Variants in LDLRAD3 observed in about 807,000 individuals in gnomAD.
LDLRAD3 encodes the protein low-density lipoprotein receptor class A domain-containing protein 3.
A neutral mutation model predicts 29.4 loss-of-function variants in LDLRAD3; 20 were observed. That is an observed-to-expected ratio of 0.68 (90% CI 0.48 to 0.99). The LOEUF (loss-of-function observed/expected upper bound fraction) is 0.99. Ranked by LOEUF, LDLRAD3 falls within the 50% of genes least tolerant of loss-of-function variation. The pLI is 0.00. For missense variants in LDLRAD3, 420 were observed against 454.3 expected, an observed-to-expected ratio of 0.92 and a Z score of 0.69; for synonymous variants, 157 against 192.7, an observed-to-expected ratio of 0.81 and a Z score of 1.53.
chr11:36,009,292 A>G (rs955734836), intron 1 of LDLRAD3, among the ~76,000 whole-genome samples: 1 of 152,180 alleles, frequency 6.6e-6, no homozygotes, highest in Non-Finnish European at 1.5e-5. Flanking sequence ...TTTTAATAGT[A>G]TTAAATCAAA....
At chr11:35,973,035 A>T (rs1851433629) in intron 1 of LDLRAD3, among the ~76,000 whole-genome samples, 1 of 146,114 alleles carries the variant, frequency 6.8e-6, no homozygotes, top group African/African-American at 2.6e-5. Flanking sequence ...CCTGGGCAAC[A>T]GAGCGAGACT....
At chr11:35,951,492 G>A (rs1431249629) in intron 1 of LDLRAD3, among the ~76,000 whole-genome samples, 1 of 152,100 alleles carries the variant, frequency 6.6e-6, no homozygotes, top group East Asian at 1.9e-4. Flanking sequence ...TGCTTTGCTC[G>A]GCTCTTGAAC....
At chr11:36,222,057 A>G (rs894372166) in intron 4 of LDLRAD3, among the ~76,000 whole-genome samples, 10 of 152,240 alleles carry the variant, frequency 6.6e-5, no homozygotes, top group African/African-American at 2.4e-4. Flanking sequence ...CCATGCTTTC[A>G]TGAATGCTCA....
intron 2 of LDLRAD3, among the ~76,000 whole-genome samples, chr11:36,071,567 T>C (rs756461502): frequency 6.6e-6 from 1 of 152,236 alleles, no homozygotes; most frequent in Middle Eastern, 3.2e-3. Context: ...CCAGTAGTTA[T>C]TGACAAGAAA....
At position 36,062,680 on chromosome 11, in the gene LDLRAD3, C is replaced by T. The variant is rs929192997; in HGVS notation, c.194-18973C>T. On this transcript the variant is annotated intron_variant, in intron 2 of 5. Transcript: ENST00000315571. ...GTTCTCATGACAGTGAGTGAGTTCT[C>T]ATGAAATCTGATGGTTTTATAAGGG... is the stretch of plus-strand genomic sequence containing the variant. 3.9e-5 allele frequency among the ~76,000 whole-genome samples: 6 copies of T among 152,140 alleles called. 1 individual carries two copies. In the East Asian group the frequency reaches 1.2e-3, roughly 29 times the overall value.
intron 4 of LDLRAD3, among the ~76,000 whole-genome samples, chr11:36,188,402 GTGGAAGC>G (rs1854889295): frequency 8.0e-6 from 1 of 124,632 alleles, no homozygotes; most frequent in Non-Finnish European, 1.7e-5. Context: ...AAAAAAAATT[GTGGAAGC>G]TGGAGAACAA....
At chr11:36,080,123 A>G (rs983035899) in intron 2 of LDLRAD3, among the ~76,000 whole-genome samples, 6 of 152,176 alleles carry the variant, frequency 3.9e-5, no homozygotes, top group African/African-American at 1.4e-4. Context: ...GAGGTAATTT[A>G]TTGCCTGTTT....
intron 4 of LDLRAD3, among the ~76,000 whole-genome samples, chr11:36,121,337 G>T (rs1853753760): frequency 6.6e-6 from 1 of 152,120 alleles, no homozygotes; most frequent in Non-Finnish European, 1.5e-5. Flanking sequence ...GTAGGAAAAG[G>T]GGAGGAGGGA....
rs1475720500 is a variant in LDLRAD3, at chr11:35,944,253, G to C, written c.46+109G>C. 3.1e-6 allele frequency: 2 copies of C among 651,606 alleles called. No homozygotes were observed. 40.4% of individuals were successfully genotyped at this position (651,606 alleles called of 1,614,324 possible). On this transcript the variant is annotated intron_variant, in intron 1 of 5. Coordinates refer to ENST00000315571, the MANE Select transcript of LDLRAD3 (RefSeq NM_174902.4). This position sits in a 1 kb window ranked among gnomAD's most constrained non-coding sequence, Gnocchi z 4.9. ...TCTCCCGGGCGCGGGCCGCTCTCCG[G>C]GCGTGGGTGAGCGCGGAGGGCGGAC...
intron 1 of LDLRAD3, among the ~76,000 whole-genome samples, chr11:35,948,928 C>T (rs1590674552): frequency 6.6e-6 from 1 of 152,314 alleles, no homozygotes; most frequent in East Asian, 1.9e-4. Flanking sequence ...TGCCTCCCGA[C>T]ATTGCCACGT....
chr11:36,076,909 G>C (rs570812530), intron 2 of LDLRAD3, among the ~76,000 whole-genome samples: 1 of 151,978 alleles, frequency 6.6e-6, no homozygotes, highest in East Asian at 1.9e-4. Context: ...TACTTAGGCT[G>C]GTTCTTTTCT....
chr11:35,973,626 G>A (rs561508320), intron 1 of LDLRAD3, among the ~76,000 whole-genome samples: 12 of 149,628 alleles, frequency 8.0e-5, no homozygotes, highest in Middle Eastern at 3.4e-3. Context: ...CACCACGCCT[G>A]GCTAATTTTT....
At chr11:36,068,515 A>T (rs964679610) in intron 2 of LDLRAD3, among the ~76,000 whole-genome samples, 1 of 151,994 alleles carries the variant, frequency 6.6e-6, no homozygotes, top group Non-Finnish European at 1.5e-5. Flanking sequence ...GGAAACCTGG[A>T]TGCTTCTTTT....
intron 3 of LDLRAD3, among the ~76,000 whole-genome samples, chr11:36,090,594 G>A (rs117787059): frequency 0.011 from 1,731 of 152,236 alleles, 16 homozygotes; most frequent in Non-Finnish European, 0.018. Flanking sequence ...TTACCGACAA[G>A]GAAGAAACAG....
chr11:36,140,594 A>C lies in LDLRAD3; in HGVS notation c.454+42133A>C, dbSNP rs139889529. 4.3e-3 allele frequency among the ~76,000 whole-genome samples: 658 copies of C among 152,110 alleles called. 3 individuals carry two copies. The highest frequency in any genetic ancestry group is 0.015 in the African/African-American group (619 of 41,474). The stretch of plus-strand genomic sequence containing the variant: ...CAGGTGTGCGCCACCATGCCCAGCT[A>C]ATTTTTTGTAGAGATGGGGTCTCTC... On this transcript the variant is annotated intron_variant, in intron 4 of 5. Coordinates refer to ENST00000315571, the MANE Select transcript of LDLRAD3 (RefSeq NM_174902.4).
intron 1 of LDLRAD3, among the ~76,000 whole-genome samples, chr11:35,985,085 C>G (rs1851592990): frequency 6.6e-6 from 1 of 152,026 alleles, no homozygotes; most frequent in South Asian, 2.1e-4. Flanking sequence ...GCCATCATGC[C>G]AGGCTCACTT....
chr11:36,143,882 G>A (rs1189747737), intron 4 of LDLRAD3, among the ~76,000 whole-genome samples: 15 of 151,430 alleles, frequency 9.9e-5, no homozygotes, highest in African/African-American at 3.6e-4. Flanking sequence ...AAATGCAGTC[G>A]CATTCTAAAG....
At chr11:36,126,117 G>A (rs1486551733) in intron 4 of LDLRAD3, among the ~76,000 whole-genome samples, 1 of 152,114 alleles carries the variant, frequency 6.6e-6, no homozygotes, top group East Asian at 1.9e-4. Context: ...CTCTCCTCTT[G>A]CCTTTGGTTC....
At chr11:36,130,802 G>A (rs1853914831) in intron 4 of LDLRAD3, among the ~76,000 whole-genome samples, 1 of 152,194 alleles carries the variant, frequency 6.6e-6, no homozygotes, top group South Asian at 2.1e-4. Flanking sequence ...CTGAGGCTGA[G>A]AGAGTTGCCC....
Sources: gnomAD v4.1 joint callset for allele counts (sites outside exome capture counted in the v4.1 genomes callset) on GRCh38, gnomAD v4.1.1 for gene constraint, Gnocchi (gnomAD v3.1) non-coding constraint, MANE v1.5 for transcripts, NCBI Gene and HGNC (gene_info 2026-07-23, HGNC 2026-07-21) for gene names.